NRIP1: variants seen among roughly 807,000 people sequenced by gnomAD.
The protein encoded by NRIP1 is nuclear receptor-interacting protein 1.
NRIP1 carries 28 observed loss-of-function variants against 75.0 expected under a neutral mutation model. The ratio of observed to expected loss-of-function variants is 0.37; its 90% CI spans 0.28 to 0.51. The LOEUF is 0.51. Ranked by LOEUF, NRIP1 falls within the 20% of genes least tolerant of loss-of-function variation. NRIP1 has a pLI of 0.92. For missense variants in NRIP1, 1,435 were observed against 1,343.7 expected (o/e 1.07, Z -1.06); for synonymous variants, 526 against 487.6 (o/e 1.08, Z -1.04).
At chr21:14,997,334 T>TA (rs1226374717) in intron 3 of NRIP1, among the ~76,000 whole-genome samples, 1 of 152,196 alleles carries the variant, frequency 6.6e-6, no homozygotes, top group African/African-American at 2.4e-5. Flanking sequence ...ATTATACTTT[T>TA]AAGTGGAAAG....
intron 3 of NRIP1, among the ~76,000 whole-genome samples, chr21:14,976,695 TA>T (rs1469511556): frequency 6.6e-6 from 1 of 152,224 alleles, no homozygotes; most frequent in Non-Finnish European, 1.5e-5. Context: ...ATCCAAGTGA[TA>T]AAATTTTACT....
intron 2 of NRIP1, among the ~76,000 whole-genome samples, chr21:15,017,291 C>A (rs2088258402): frequency 6.6e-6 from 1 of 152,090 alleles, no homozygotes. Context: ...CTCCTGGGTT[C>A]AAATGATCCT....
chr21:15,054,454 TACAAA>T, intron 1 of NRIP1, among the ~76,000 whole-genome samples: 1 of 152,326 alleles, frequency 6.6e-6, no homozygotes, highest in African/African-American at 2.4e-5. Context: ...AATGTAATAT[TACAAA>T]ACAAATTATT....
intron 3 of NRIP1, among the ~76,000 whole-genome samples, chr21:14,970,943 T>G (rs1424299234): frequency 6.6e-6 from 1 of 152,222 alleles, no homozygotes; most frequent in African/African-American, 2.4e-5. Flanking sequence ...TATCACAGTT[T>G]CCTTGTAAAG....
chr21:14,994,638 T>C (rs1333710890), intron 3 of NRIP1, among the ~76,000 whole-genome samples: 1 of 152,186 alleles, frequency 6.6e-6, no homozygotes, highest in Non-Finnish European at 1.5e-5. Context: ...AACATTGTTG[T>C]CAACTGCAAA....
At chr21:15,060,520 G>A (rs372198116) in intron 1 of NRIP1, among the ~76,000 whole-genome samples, 4 of 152,004 alleles carry the variant, frequency 2.6e-5, no homozygotes, top group African/African-American at 7.2e-5. Flanking sequence ...CTCAGAACAC[G>A]GTTTTCCCTG....
At chr21:15,012,918 T>C (rs1187559387) in intron 3 of NRIP1, among the ~76,000 whole-genome samples, 1 of 152,186 alleles carries the variant, frequency 6.6e-6, no homozygotes, top group Non-Finnish European at 1.5e-5. Flanking sequence ...AACAAAGGTG[T>C]TGAAAATTAA....
At chr21:15,024,415 A>ACG (rs2088462302) in intron 2 of NRIP1, among the ~76,000 whole-genome samples, 1 of 151,984 alleles carries the variant, frequency 6.6e-6, no homozygotes, top group Non-Finnish European at 1.5e-5. Flanking sequence ...GGTGGCAGTC[A>ACG]CCTGTAATCC....
rs1474923572 is a variant in NRIP1 at position 14,966,916 on chromosome 21, T to C, written c.1277A>G (p.Asp426Gly). 1 of 1,614,028 alleles carries C rather than the reference T, an allele frequency of 6.2e-7. No homozygotes were observed. Among genetic ancestry groups the C allele is most frequent in the Non-Finnish European group, 8.5e-7 (1 of 1,180,010 alleles). Residue 426 changes from aspartate (D) to glycine (G), a missense_variant, in exon 4 of 4, where the codon GAT (aspartate) becomes GGT (glycine). Transcript: ENST00000318948. ...EYSDNNPSFT[D>G]DSSGDESSYS... ...AGAACTTTCATCACCACTGCTGTCA[T>C]CTGTAAAACTAGGATTGTTATCTGA...
Position 14,965,187 on chromosome 21 carries a change from G to T in NRIP1, c.3006C>A (p.Tyr1002Ter). ...TCACAGGAGTTTTTACTACACCTGG[G>T]TATGAAAATGTCCTGTTATCCATGC... ...SSCMDNRTFSYPGVVKTPVSP... is the reference protein window; with the variant it reads ...SSCMDNRTFS The change falls in exon 4 of 4, where the codon TAC becomes TAA. Residue 1002 changes from tyrosine (Y) to a stop codon, truncating the protein, a stop_gained. Coordinates refer to ENST00000318948, the MANE Select transcript of NRIP1 (RefSeq NM_003489.4). LOFTEE classifies it high-confidence loss of function. 6.2e-7 allele frequency: 1 copy of T among 1,613,578 alleles called. No individual in the cohort carries two copies. The highest frequency in any genetic ancestry group is 8.5e-7 in the Non-Finnish European group (1 of 1,179,920).
At chr21:15,001,069 G>A (rs1022109322) in intron 3 of NRIP1, among the ~76,000 whole-genome samples, 1 of 152,138 alleles carries the variant, frequency 6.6e-6, no homozygotes, top group Non-Finnish European at 1.5e-5. Context: ...ATGTCTTCAG[G>A]ATGTATAATT....
intron 1 of NRIP1, chr21:15,050,445 A>C (rs1252815959): frequency 9.5e-6 from 3 of 316,394 alleles, no homozygotes; most frequent in Non-Finnish European, 1.9e-5. Context: ...TAATATTGGG[A>C]TCTTCCCTTT....
intron 3 of NRIP1, among the ~76,000 whole-genome samples, chr21:14,975,641 AAAAGG>A (rs1171265181): frequency 6.9e-5 from 10 of 145,012 alleles, no homozygotes; most frequent in African/African-American, 1.1e-4. Context: ...AAAAAAAAAA[AAAAGG>A]AAGGAAGGAA....
chr21:15,014,190 T>A (rs2088173146), intron 3 of NRIP1, among the ~76,000 whole-genome samples, 154 bp downstream of exon 3: 1 of 152,248 alleles, frequency 6.6e-6, no homozygotes, highest in African/African-American at 2.4e-5. Flanking sequence ...TTTCATTTTT[T>A]AAACCACATT....
rs556159450 is a variant in NRIP1 at position 14,965,643 on chromosome 21, C to A, written c.2550G>T (p.Lys850Asn). The A allele has an allele frequency of 6.2e-7, 1 of 1,613,160 alleles. No homozygotes were observed. The highest frequency in any genetic ancestry group is 1.3e-5 in the African/African-American group (1 of 74,926). ...TTTTCTTAGGGACCATGCAAAGATT[C>A]TTTGATTCTAGAAGTGCCATTTCAT... ...RNNEMALLES[K>N]NLCMVPKKRK... is the part of the protein sequence containing the mutation. Residue 850 changes from lysine (K) to asparagine (N), a missense_variant, in exon 4 of 4, where the codon AAG becomes AAT. By Grantham distance (94) the Lys-to-Asn change is moderately conservative. Coordinates refer to ENST00000318948, the MANE Select transcript of NRIP1 (RefSeq NM_003489.4).
At chr21:14,974,166 C>T (rs961691550) in intron 3 of NRIP1, 1 of 151,996 alleles carries the variant, frequency 6.6e-6, no homozygotes, top group Non-Finnish European at 1.5e-5. Flanking sequence ...AGAATTTAAA[C>T]ATAACATTGT....
chr21:15,062,563 T>C (rs1261110647), intron 1 of NRIP1, among the ~76,000 whole-genome samples: 1 of 152,258 alleles, frequency 6.6e-6, no homozygotes. Context: ...CAACTTGATA[T>C]GTCATAATTT....
At chr21:14,973,504 C>T (rs1387042004) in intron 3 of NRIP1, among the ~76,000 whole-genome samples, 6 of 151,978 alleles carry the variant, frequency 3.9e-5, no homozygotes, top group Non-Finnish European at 8.8e-5. Context: ...AGAATAAAAG[C>T]TAACTCAGTG....
chr21:15,027,759 C>A (rs1444258919), intron 2 of NRIP1, among the ~76,000 whole-genome samples: 1 of 152,178 alleles, frequency 6.6e-6, no homozygotes, highest in African/African-American at 2.4e-5. Flanking sequence ...AGGTTCTTAA[C>A]AAAATGCATT....
Sources: gnomAD v4.1 joint callset for allele counts (sites outside exome capture counted in the v4.1 genomes callset) on GRCh38, gnomAD v4.1.1 for gene constraint, MANE v1.5 for transcripts, NCBI Gene and HGNC (gene_info 2026-07-23, HGNC 2026-07-21) for gene names.